The following EPHA2 variants were observed in gnomAD, a reference collection of about 807,000 sequenced individuals.
The protein encoded by EPHA2 is EPH receptor A2.
Under a neutral mutation model 104.9 loss-of-function variants are expected in EPHA2, and 54 were observed. That is an observed-to-expected ratio of 0.51 (90% CI 0.41 to 0.65). The LOEUF is 0.65. EPHA2 is among the 30% of genes least tolerant of loss of function. The probability of loss-of-function intolerance (pLI) is 0.00; values close to 1 mark genes in which losing one functional copy is unlikely to be tolerated. For missense variants in EPHA2, 1,117 were observed against 1,369.5 expected, an observed-to-expected ratio of 0.82 and a Z score of 2.91; for synonymous variants, 560 against 559.1, an observed-to-expected ratio of 1.00 and a Z score of -0.02.
In EPHA2 at chr1:16,153,455, C is replaced by T. The variant is rs2025084533; in HGVS notation, c.85+2393G>A. ...AAGGACTTCCTGGCACTCTCCAGCC[C>T]TCTTCCCATCAGCAGCACCCCAGCT... On this transcript the variant is annotated intron_variant, in intron 1 of 16. Transcript: ENST00000358432. 1.0e-5 allele frequency: 4 copies of T among 390,806 alleles called. No homozygotes were observed. In the South Asian group the frequency reaches 4.2e-4, roughly 41 times the overall value. The allele number at this position is 390,806 out of a possible 1,614,324, so 24.2% of individuals were successfully genotyped here. A position where few individuals can be genotyped will look rare whatever the true frequency, so the allele number is the denominator to read the frequency against.
At position 16,129,486 on chromosome 1, in the gene EPHA2, A is replaced by G; in HGVS notation, c.2773T>C (p.Phe925Leu). Residue 925 changes from phenylalanine (F) to leucine (L), a missense_variant, in exon 16 of 17, where the codon TTC (phenylalanine) becomes CTC (leucine). Coordinates refer to ENST00000358432, the MANE Select transcript of EPHA2 (RefSeq NM_004431.5). ...ATGGCAGTGTAGCCGGCCGCCATGA[A>G]GTGCTCCGTATACTGCTGCATCTTG... Reference protein sequence around the residue: ...SIKMQQYTEHFMAAGYTAIEK... With the variant: ...SIKMQQYTEHLMAAGYTAIEK... 6.2e-7 allele frequency: 1 copy of G among 1,613,874 alleles called. No homozygotes were observed. The highest frequency in any genetic ancestry group is 8.5e-7 in the Non-Finnish European group (1 of 1,180,012).
At chr1:16,133,799 C>T (rs974418481) in intron 9 of EPHA2, 61 bp downstream of exon 9, 20 of 1,501,966 alleles carry the variant, frequency 1.3e-5, no homozygotes, top group Admixed American at 2.2e-5. Flanking sequence ...GCCCCCACCT[C>T]CCCCACAGAG....
chr1:16,131,691 G>A lies in EPHA2; in HGVS notation c.2475+30C>T, dbSNP rs2024571757. On this transcript the variant is annotated intron_variant, in intron 14 of 16. Transcript: ENST00000358432. The surrounding 1 kb of genome is among the most constrained non-coding windows in gnomAD (Gnocchi z 5.2). ...AGTAAAGGGCTTGAGTTCAGGTCCG[G>A]ACAGGCCTGGGGAGGGCAAGGGCAC... The A allele has an allele frequency of 3.1e-6, 5 of 1,613,668 alleles. No homozygotes were observed. Among genetic ancestry groups the A allele is most frequent in the African/African-American group, 1.3e-5 (1 of 75,052 alleles).
Position 16,125,343 on chromosome 1 carries a change from G to A in EPHA2, c.2826-23C>T. The A allele has an allele frequency of 6.7e-7, 1 of 1,491,932 alleles. No individual in the cohort carries two copies. Among genetic ancestry groups the A allele is most frequent in the South Asian group, 1.1e-5 (1 of 88,314 alleles). The allele number at this position is 1,491,932 out of a possible 1,614,324, so 92.4% of individuals were successfully genotyped here. A position where few individuals can be genotyped will look rare whatever the true frequency, so the allele number is the denominator to read the frequency against. On this transcript the variant is annotated intron_variant, in intron 16 of 16. Coordinates refer to ENST00000358432, the MANE Select transcript of EPHA2 (RefSeq NM_004431.5). This position sits in a 1 kb window ranked among gnomAD's most constrained non-coding sequence, Gnocchi z 4.9. ...TCGCTGTGGGCCGGGAGGGAGAGAG[G>A]GAGAGTTAGGGGCTGGAGCAGGGGA...
At position 16,135,134 on chromosome 1, in the gene EPHA2, T is replaced by C. The variant is rs1569570677; in HGVS notation, c.1484A>G (p.Asp495Gly). The C allele has an allele frequency of 1.2e-6, 2 of 1,613,998 alleles. No homozygotes were observed. Among genetic ancestry groups the C allele is most frequent in the Non-Finnish European group, 1.7e-6 (2 of 1,180,022 alleles). The change falls in exon 7 of 17, where the codon GAC becomes GGC. Residue 495 changes from aspartate (D) to glycine (G), a missense_variant. This residue lies in a region of EPHA2 where 664 missense variants were observed against 784.8 expected (regional missense o/e 0.85). Transcript: ENST00000358432. The surrounding 1 kb of genome is among the most constrained non-coding windows in gnomAD (Gnocchi z 4.3). The part of the protein sequence containing the change: ...RRTEGFSVTL[D>G]DLAPDTTYLV... ...GTAGGTGGTGTCTGGGGCCAGGTCGTCCAGGGTCACGGAGAAACCCTCGGT... is the reference window on the plus strand; with the variant it reads ...GTAGGTGGTGTCTGGGGCCAGGTCGCCCAGGGTCACGGAGAAACCCTCGGT...
In EPHA2 at chr1:16,148,884, T is replaced by C. The variant is rs780259019; in HGVS notation, c.317A>G (p.Asn106Ser). 2.5e-6 allele frequency: 4 copies of C among 1,614,142 alleles called. No homozygotes were observed. Among genetic ancestry groups the C allele is most frequent in the South Asian group, 2.2e-5 (2 of 91,086 alleles). The change falls in exon 3 of 17, where the codon AAC becomes AGC. Residue 106 changes from asparagine (N) to serine (S), a missense_variant. By Grantham distance (46) the Asn-to-Ser change is conservative (BLOSUM62 1). Coordinates refer to ENST00000358432, the MANE Select transcript of EPHA2 (RefSeq NM_004431.5). This position sits in a 1 kb window ranked among gnomAD's most constrained non-coding sequence, Gnocchi z 4.9. ...IELKFTVRDC[N>S]SFPGGASSCK... ...GGAGCTGGCGCCACCAGGGAAGCTG[T>C]TGCAGTCACGTACAGTAAACTTGAG...
chr1:16,146,383 C>T (rs2024934006), intron 3 of EPHA2: 1 of 152,374 alleles, frequency 6.6e-6, no homozygotes, highest in South Asian at 2.1e-4. Flanking sequence ...GAGACACCCC[C>T]ACCCCAACCG....
Position 16,131,473 on chromosome 1 carries a change from G to A in EPHA2, c.2475+248C>T, listed in dbSNP as rs563374090. On this transcript the variant is annotated intron_variant, in intron 14 of 16. Coordinates refer to ENST00000358432, the MANE Select transcript of EPHA2 (RefSeq NM_004431.5). This position sits in a 1 kb window ranked among gnomAD's most constrained non-coding sequence, Gnocchi z 5.2. ...CGCATGCCTGTAATCCCAGCTACTC[G>A]GGAGGCTGAGGCAGGAGAATTGCTT... Among the ~76,000 whole-genome samples the A allele has an allele frequency of 1.3e-5, 2 of 152,194 alleles. No homozygotes were observed. The highest frequency in any genetic ancestry group is 1.5e-5 in the Non-Finnish European group (1 of 68,006).
chr1:16,133,855 C>T lies in EPHA2; in HGVS notation c.1738+5G>A, dbSNP rs1055124818. 1.9e-6 allele frequency: 3 copies of T among 1,546,426 alleles called. No individual in the cohort carries two copies. In the African/African-American group the frequency reaches 4.1e-5, roughly 21 times the overall value. ...GCTGGGCCTGGAGCGGGGGCTGCGT[C>T]TCACCTGACTTGGAGAAGTAAACGT... On this transcript the variant is annotated splice_donor_5th_base_variant and intron_variant, in intron 9 of 16. Coordinates refer to ENST00000358432, the MANE Select transcript of EPHA2 (RefSeq NM_004431.5).
intron 1 of EPHA2, among the ~76,000 whole-genome samples, chr1:16,153,977 C>G (rs77583860): frequency 4.9e-4 from 74 of 152,170 alleles, no homozygotes; most frequent in African/African-American, 1.5e-3. Context: ...AATGTACCCC[C>G]ACCCCAGTGC....
intron 5 of EPHA2, among the ~76,000 whole-genome samples, chr1:16,136,487 C>T (rs567714016): frequency 4.6e-5 from 7 of 150,562 alleles, no homozygotes; most frequent in South Asian, 2.1e-4. Flanking sequence ...GGCATGGTGG[C>T]GCATGCCTGT....
intron 1 of EPHA2, among the ~76,000 whole-genome samples, chr1:16,153,918 G>C (rs1419435597): frequency 2.6e-5 from 4 of 151,566 alleles, no homozygotes; most frequent in Admixed American, 2.6e-4. Context: ...CCCCCACCTA[G>C]GCACACTTCT....
In EPHA2 at chr1:16,155,969, C is replaced by T. The variant is rs1473262020; in HGVS notation, c.-37G>A. 2.7e-6 allele frequency: 4 copies of T among 1,464,916 alleles called. No homozygotes were observed. The African/African-American group carries it at 5.9e-5, about 22-fold the overall frequency. The allele number at this position is 1,464,916 out of a possible 1,614,324, so 90.7% of individuals were successfully genotyped here. A position where few individuals can be genotyped will look rare whatever the true frequency, so the allele number is the denominator to read the frequency against. ...CGCTCTCGGTCCGATCCCCCCGAGCCCGGCTCCCGCACACCCGCACGCCTG... is the reference window on the plus strand; with the variant it reads ...CGCTCTCGGTCCGATCCCCCCGAGCTCGGCTCCCGCACACCCGCACGCCTG... On this transcript the variant is annotated 5_prime_UTR_variant, in exon 1 of 17. Transcript: ENST00000358432.
chr1:16,136,797 C>CTTTTTTTTTTTTTTTTTT (rs796639435), intron 5 of EPHA2, among the ~76,000 whole-genome samples: 1 of 131,424 alleles, frequency 7.6e-6, no homozygotes. Flanking sequence ...TGAATGCTTT[C>CTTTTTTTTTTTTTTTTTT]TTTTTTTTTT....
intron 2 of EPHA2, 71 bp from the exon 3 acceptor site, chr1:16,149,118 G>C: frequency 6.6e-7 from 1 of 1,523,944 alleles, no homozygotes. Flanking sequence ...GCAGAGTAGG[G>C]CACTAGGAAG....
intron 16 of EPHA2, among the ~76,000 whole-genome samples, chr1:16,127,313 C>A (rs1362719074): frequency 3.9e-5 from 6 of 152,216 alleles, no homozygotes; most frequent in Non-Finnish European, 8.8e-5. Context: ...CAGCTCTAGA[C>A]AGAGCCTGGG....
intron 11 of EPHA2, among the ~76,000 whole-genome samples, chr1:16,132,848 G>A (rs1172135589): frequency 2.9e-5 from 4 of 139,702 alleles, no homozygotes; most frequent in Non-Finnish European, 4.7e-5. Context: ...GTAAGGAGGT[G>A]GGTGCAGGTA....
chr1:16,142,024 T>A (rs2024832875), intron 3 of EPHA2, among the ~76,000 whole-genome samples: 1 of 152,120 alleles, frequency 6.6e-6, no homozygotes, highest in African/African-American at 2.4e-5. Flanking sequence ...CTAGTTGGAT[T>A]TCCTGGCATT....
chr1:16,143,191 A>ATGGATGGATGG (rs1557512021), intron 3 of EPHA2, among the ~76,000 whole-genome samples: 483 of 28,874 alleles, frequency 0.017, 6 homozygotes, highest in Non-Finnish European at 0.023. Flanking sequence ...TGGATGGATG[A>ATGGATGGATGG]ATGGATGGAT....
Sources: gnomAD v4.1 joint callset for allele counts (sites outside exome capture counted in the v4.1 genomes callset) on GRCh38, gnomAD v4.1.1 for gene constraint, gnomAD v4.1.1 regional missense constraint, Gnocchi (gnomAD v3.1) non-coding constraint, MANE v1.5 for transcripts, NCBI Gene and HGNC (gene_info 2026-07-23, HGNC 2026-07-21) for gene names.